DNAH9: variants seen among roughly 807,000 people sequenced by gnomAD.
DNAH9 encodes dynein axonemal heavy chain 9, also known as DNAH9 variant protein.
DNAH9 carries 345 observed loss-of-function variants against 471.6 expected under a neutral mutation model. The observed-to-expected ratio is 0.73, with a 90% CI of 0.67 to 0.80. The LOEUF (loss-of-function observed/expected upper bound fraction) is 0.80. Ranked by LOEUF, DNAH9 falls within the 30% of genes least tolerant of loss-of-function variation. The probability of loss-of-function intolerance (pLI) is 0.00; values close to 1 mark genes in which losing one functional copy is unlikely to be tolerated. For synonymous variants in DNAH9, 2,093 were observed against 2,123.6 expected (o/e 0.99, Z 0.40); for missense variants, 5,407 against 5,609.2 (o/e 0.96, Z 1.15).
chr17:11,822,291 G>A (rs1567826232), intron 46 of DNAH9, 147 bp from the exon 47 acceptor site: 7 of 1,099,000 alleles, frequency 6.4e-6, no homozygotes, highest in Non-Finnish European at 9.2e-6. Context: ...CTCTTGGCTG[G>A]TGAGGCTGGC....
At chr17:11,602,286 C>G (rs912760712) in intron 1 of DNAH9, among the ~76,000 whole-genome samples, 1 of 151,640 alleles carries the variant, frequency 6.6e-6, no homozygotes, top group African/African-American at 2.4e-5. Flanking sequence ...ATTAGAACAC[C>G]TGGAATAGAG....
intron 26 of DNAH9, among the ~76,000 whole-genome samples, chr17:11,707,744 G>A (rs2074728160): frequency 6.6e-6 from 1 of 151,044 alleles, no homozygotes; most frequent in South Asian, 2.1e-4. Flanking sequence ...CCACCCTGAT[G>A]ACTCACTCCC....
intron 25 of DNAH9, among the ~76,000 whole-genome samples, chr17:11,704,704 C>T (rs547477600): frequency 2.6e-4 from 39 of 152,202 alleles, no homozygotes; most frequent in Middle Eastern, 6.8e-3. Context: ...CTGCCTCAGC[C>T]TCCCAAGTAG....
At chr17:11,614,525 A>G (rs988177258) in intron 4 of DNAH9, among the ~76,000 whole-genome samples, 6 of 152,232 alleles carry the variant, frequency 3.9e-5, no homozygotes, top group South Asian at 2.1e-4. Flanking sequence ...TTATTTGCAC[A>G]GGATAGGCAT....
At chr17:11,619,144 C>T (rs999879155) in intron 5 of DNAH9, among the ~76,000 whole-genome samples, 1 of 152,260 alleles carries the variant, frequency 6.6e-6, no homozygotes, top group African/African-American at 2.4e-5. Flanking sequence ...ACAGCTCCAG[C>T]TTTTCAGTTT....
intron 50 of DNAH9, among the ~76,000 whole-genome samples, chr17:11,859,525 A>G (rs529388283): frequency 4.6e-5 from 7 of 152,200 alleles, no homozygotes; most frequent in African/African-American, 1.7e-4. Context: ...CTCAGCTTTC[A>G]AGATGTGTTA....
intron 38 of DNAH9, among the ~76,000 whole-genome samples, chr17:11,771,220 C>A (rs1968191534): frequency 6.6e-6 from 1 of 152,094 alleles, no homozygotes; most frequent in African/African-American, 2.4e-5. Flanking sequence ...CCTCTGCCTC[C>A]CGGGTTCAAG....
chr17:11,811,495 C>T (rs1969899446), intron 45 of DNAH9, among the ~76,000 whole-genome samples: 1 of 152,036 alleles, frequency 6.6e-6, no homozygotes, highest in Non-Finnish European at 1.5e-5. Flanking sequence ...CTCATGCCCC[C>T]AACCAGAGAT....
At chr17:11,635,500 TTC>T (rs1163775652) in intron 8 of DNAH9, among the ~76,000 whole-genome samples, 2 of 152,118 alleles carry the variant, frequency 1.3e-5, no homozygotes, top group Non-Finnish European at 2.9e-5. Flanking sequence ...ATTTTTTTAA[TTC>T]TCTTTTGAAA....
chr17:11,752,747 T>A, intron 32 of DNAH9, 86 bp from the exon 33 acceptor site: 1 of 1,090,228 alleles, frequency 9.2e-7, no homozygotes, highest in Non-Finnish European at 1.3e-6. Context: ...CCCTTCTGTG[T>A]GTTGTAGCTA....
chr17:11,866,494 C>A (rs1055725739), intron 50 of DNAH9, among the ~76,000 whole-genome samples: 3 of 152,210 alleles, frequency 2.0e-5, no homozygotes, highest in African/African-American at 7.2e-5. Flanking sequence ...AGGAGGCAGT[C>A]TGCCCGTTCT....
chr17:11,643,850 TGCAG>T (rs2073326077), intron 10 of DNAH9, among the ~76,000 whole-genome samples: 1 of 152,214 alleles, frequency 6.6e-6, no homozygotes, highest in African/African-American at 2.4e-5. Flanking sequence ...TCCTGAGTAT[TGCAG>T]GCAATTGTAG....
chr17:11,672,297 T>A (rs958572139), intron 17 of DNAH9, among the ~76,000 whole-genome samples: 4 of 152,216 alleles, frequency 2.6e-5, no homozygotes, highest in Non-Finnish European at 5.9e-5. Context: ...CCTCAGGATC[T>A]TACAGCAGCA....
At chr17:11,902,648 C>CATTAAA in intron 59 of DNAH9, 71 bp from the exon 60 acceptor site, 1 of 1,408,818 alleles carries the variant, frequency 7.1e-7, no homozygotes, top group South Asian at 1.3e-5. Context: ...TCTGGCCCCT[C>CATTAAA]AATCCCCCAA....
At chr17:11,811,273 A>G (rs1202496158) in intron 45 of DNAH9, among the ~76,000 whole-genome samples, 1 of 151,924 alleles carries the variant, frequency 6.6e-6, no homozygotes, top group African/African-American at 2.4e-5. Flanking sequence ...AGATCATGCC[A>G]CCGCACTCCA....
At chr17:11,689,545 G>A (rs2074297248) in intron 19 of DNAH9, 21 bp from the exon 20 acceptor site, 9 of 1,593,614 alleles carry the variant, frequency 5.6e-6, no homozygotes, top group Non-Finnish European at 7.7e-6. Flanking sequence ...TACTTACAAA[G>A]GAACACACTG....
intron 67 of DNAH9, among the ~76,000 whole-genome samples, chr17:11,959,010 G>A (rs911410009): frequency 6.6e-6 from 1 of 151,990 alleles, no homozygotes; most frequent in Admixed American, 6.5e-5. Flanking sequence ...CCATATTAAT[G>A]TGCTACATTT....
At chr17:11,817,090 T>C (rs1970126672) in intron 45 of DNAH9, among the ~76,000 whole-genome samples, 1 of 152,084 alleles carries the variant, frequency 6.6e-6, no homozygotes. Flanking sequence ...GTTTCCGAAC[T>C]TTAGGTCTCA....
At chr17:11,789,592 C>T (rs1292594136) in intron 41 of DNAH9, among the ~76,000 whole-genome samples, 1 of 151,882 alleles carries the variant, frequency 6.6e-6, no homozygotes, top group Admixed American at 6.6e-5. Flanking sequence ...AGGGAGTTAG[C>T]AATTGTGCTA....
Sources: gnomAD v4.1 joint callset for allele counts (sites outside exome capture counted in the v4.1 genomes callset) on GRCh38, gnomAD v4.1.1 for gene constraint, MANE v1.5 for transcripts, NCBI Gene and HGNC (gene_info 2026-07-23, HGNC 2026-07-21) for gene names.